NLRP2: variants seen among roughly 807,000 people sequenced by gnomAD.
NLRP2 encodes the protein NLR family pyrin domain containing 2.
NLRP2 carries 107 observed loss-of-function variants against 97.2 expected under a neutral mutation model. That is an observed-to-expected ratio of 1.10 (90% CI 0.94 to 1.29). The LOEUF (loss-of-function observed/expected upper bound fraction) is 1.29, where lower values mean the gene tolerates loss of function less well. Among genes scored for constraint, NLRP2 ranks in the 50% most tolerant of loss-of-function variants. The pLI is 0.00. For synonymous variants in NLRP2, 663 were observed against 551.5 expected (o/e 1.20, Z -2.83); for missense variants, 1,495 against 1,330.3 (o/e 1.12, Z -1.93).
At chr19:54,971,489 T>C (rs1294679725) in intron 2 of NLRP2, among the ~76,000 whole-genome samples, 1 of 151,958 alleles carries the variant, frequency 6.6e-6, no homozygotes, top group Non-Finnish European at 1.5e-5. Flanking sequence ...ACCTGTTGTT[T>C]CCTGACTTTT....
At chr19:54,985,686 A>G (rs572387005) in intron 7 of NLRP2, among the ~76,000 whole-genome samples, 3 of 149,344 alleles carry the variant, frequency 2.0e-5, no homozygotes, top group South Asian at 2.1e-4. Flanking sequence ...TCAAAAAAAA[A>G]AAAAAAAAAA....
rs757103934 is a variant in NLRP2, at chr19:54,982,932, A to T, written c.1234A>T (p.Met412Leu). The T allele has an allele frequency of 1.2e-6, 2 of 1,612,856 alleles. No homozygotes were observed. Among genetic ancestry groups the T allele is most frequent in the Middle Eastern group, 1.9e-4 (1 of 5,250 alleles). ...CGTGTGCACGACTCTGAAGCTGCAGATGGAGAAGGGGGAGGACCCGGTCCC... is the reference window on the plus strand; with the variant it reads ...CGTGTGCACGACTCTGAAGCTGCAGTTGGAGAAGGGGGAGGACCCGGTCCC... Reference protein sequence around the residue: ...WIVCTTLKLQMEKGEDPVPTC... With the variant: ...WIVCTTLKLQLEKGEDPVPTC... The change falls in exon 6 of 13, where the codon ATG becomes TTG. Residue 412 changes from methionine (M) to leucine (L), a missense_variant. Coordinates refer to ENST00000448584, the MANE Select transcript of NLRP2 (RefSeq NM_017852.5).
rs1461765066 is a variant in NLRP2 at position 54,982,714 on chromosome 19, G to C, written c.1016G>C (p.Arg339Thr). ...GCCCTGCTGGTCACCACGCGGCCCAGGGCCCTGAGGGACCTCCGGATCCTG... is the reference window on the plus strand; with the variant it reads ...GCCCTGCTGGTCACCACGCGGCCCACGGCCCTGAGGGACCTCCGGATCCTG... ...KAALLVTTRPRALRDLRILAE... is the reference protein window; with the variant it reads ...KAALLVTTRPTALRDLRILAE... The change falls in exon 6 of 13, where the codon AGG (arginine) becomes ACG (threonine). Residue 339 changes from arginine (R) to threonine (T), a missense_variant. Arg to Thr is a moderately conservative substitution (Grantham distance 71). Coordinates refer to ENST00000448584, the MANE Select transcript of NLRP2 (RefSeq NM_017852.5). 2.5e-6 allele frequency: 4 copies of C among 1,613,938 alleles called. No individual in the cohort carries two copies. The highest frequency in any genetic ancestry group is 2.2e-5 in the South Asian group (2 of 91,088).
At chr19:54,999,651 T>TATC (rs74177894) in intron 12 of NLRP2, among the ~76,000 whole-genome samples, 45,546 of 151,804 alleles carry the variant, frequency 0.3, 7,136 homozygotes, top group Middle Eastern at 0.43. Context: ...TGTTTTTCTC[T>TATC]ATCAGATCAA....
intron 2 of NLRP2, among the ~76,000 whole-genome samples, chr19:54,971,995 A>ATTTTT (rs61335843): frequency 1.3e-4 from 15 of 116,390 alleles, no homozygotes; most frequent in Non-Finnish European, 1.5e-4. Context: ...TGCCTGGCTG[A>ATTTTT]TTTTTTTTTT....
At chr19:54,994,067 T>A in intron 10 of NLRP2, 1 of 657,546 alleles carries the variant, frequency 1.5e-6, no homozygotes, top group Non-Finnish European at 2.7e-6. Flanking sequence ...CGAGGTCCCT[T>A]TTGCTCGCAG....
At chr19:54,976,720 C>T in intron 3 of NLRP2, 2 of 409,602 alleles carry the variant, frequency 4.9e-6, no homozygotes, top group South Asian at 3.6e-5. Flanking sequence ...GTTCCCTCCC[C>T]AGCATCTTTT....
intron 8 of NLRP2, among the ~76,000 whole-genome samples, chr19:54,988,686 A>G (rs2072258190): frequency 6.6e-6 from 1 of 152,080 alleles, no homozygotes; most frequent in African/African-American, 2.4e-5. Context: ...CGCCCAGCTA[A>G]TTCTTGTATT....
At chr19:54,982,033 C>G in intron 5 of NLRP2, 129 bp from the exon 6 acceptor site, 1 of 1,178,330 alleles carries the variant, frequency 8.5e-7, no homozygotes, top group Non-Finnish European at 1.2e-6. Flanking sequence ...CTGCCTCGAC[C>G]TCCCAAAGGG....
intron 11 of NLRP2, among the ~76,000 whole-genome samples, chr19:54,995,601 GAGGT>G (rs1449702280): frequency 6.6e-6 from 1 of 152,078 alleles, no homozygotes; most frequent in East Asian, 2.0e-4. Context: ...AAATAAAAAA[GAGGT>G]AGGAATTAGA....
At chr19:54,981,458 A>G (rs757848689) in intron 4 of NLRP2, among the ~76,000 whole-genome samples, 159 bp from the exon 5 acceptor site, 1 of 151,620 alleles carries the variant, frequency 6.6e-6, no homozygotes, top group Non-Finnish European at 1.5e-5. Context: ...ATGAGCCACC[A>G]CACCTGGCCG....
At chr19:54,986,703 A>G (rs1404709694) in intron 8 of NLRP2, among the ~76,000 whole-genome samples, 2 of 151,990 alleles carry the variant, frequency 1.3e-5, no homozygotes, top group Admixed American at 6.6e-5. Context: ...GGCACCCGCC[A>G]CCACGCCCGG....
rs767642490 is a variant in NLRP2, at chr19:54,983,236, T to C, written c.1538T>C (p.Leu513Pro). 6.2e-7 allele frequency: 1 copy of C among 1,613,906 alleles called. No homozygotes were observed. Among genetic ancestry groups the C allele is most frequent in the African/African-American group, 1.3e-5 (1 of 74,998 alleles). ...AGCTTCCAGCAGTTTCTCACTGCCC[T>C]GTTCTACACCCTGGAGAAGGAGGAG... ...HLSFQQFLTA[L>P]FYTLEKEEEE... The change falls in exon 6 of 13, where the codon CTG (leucine) becomes CCG (proline). Residue 513 changes from leucine (L) to proline (P), a missense_variant. Physicochemically the swap from Leu to Pro is moderately conservative, Grantham distance 98. Coordinates refer to ENST00000448584, the MANE Select transcript of NLRP2 (RefSeq NM_017852.5).
chr19:55,001,022 T>A lies in NLRP2; in HGVS notation c.*124T>A. On this transcript the variant is annotated 3_prime_UTR_variant, in exon 13 of 13. Transcript: ENST00000448584. ...ATAATGAGTTCATTGCTGGGCTAGATGTTTTAGCCATGATTCTGCCTCTGT... is the reference window on the plus strand; with the variant it reads ...ATAATGAGTTCATTGCTGGGCTAGAAGTTTTAGCCATGATTCTGCCTCTGT... The A allele has an allele frequency of 4.8e-6, 4 of 839,098 alleles. No homozygotes were observed. The highest frequency in any genetic ancestry group is 6.0e-6 in the Non-Finnish European group (3 of 503,518). The allele number at this position is 839,098 out of a possible 1,614,324, so 52.0% of individuals were successfully genotyped here. A position where few individuals can be genotyped will look rare whatever the true frequency, so the allele number is the denominator to read the frequency against.
chr19:54,998,824 T>C (rs2073009885), intron 12 of NLRP2, among the ~76,000 whole-genome samples: 1 of 149,686 alleles, frequency 6.7e-6, no homozygotes, highest in Non-Finnish European at 1.5e-5. Flanking sequence ...GATTAGGGAG[T>C]GGTGATGACT....
chr19:54,984,568 C>A lies in NLRP2; in HGVS notation c.2031-479C>A, dbSNP rs575534184. Among the ~76,000 whole-genome samples the A allele has an allele frequency of 2.8e-5, 4 of 141,094 alleles. No individual in the cohort carries two copies. In the East Asian group the frequency reaches 6.3e-4, roughly 22 times the overall value. The allele number at this position is 141,094 out of a possible 152,430, so 92.6% of individuals were successfully genotyped here. A position where few individuals can be genotyped will look rare whatever the true frequency, so the allele number is the denominator to read the frequency against. On this transcript the variant is annotated intron_variant, in intron 6 of 12. Transcript: ENST00000448584. Reference sequence around the variant, plus strand: ...CTCGATCTCGGCTCACTGCAACCTCCGCCCCACCAGGTTCAATGATTCTCC... The same window carrying A: ...CTCGATCTCGGCTCACTGCAACCTCAGCCCCACCAGGTTCAATGATTCTCC...
rs1491551086 is a variant in NLRP2 at position 54,984,330 on chromosome 19, T to TGTG, written c.2030+602_2030+603insGTG. Among the ~76,000 whole-genome samples, 55 of 13,670 alleles carry TGTG rather than the reference T, an allele frequency of 4.0e-3. 2 individuals are homozygous for TGTG. The highest frequency in any genetic ancestry group is 8.7e-3 in the African/African-American group (13 of 1,488). 9.0% of individuals were successfully genotyped at this position (13,670 alleles called of 152,430 possible). A position where few individuals can be genotyped will look rare whatever the true frequency, so the allele number is the denominator to read the frequency against. On this transcript the variant is annotated intron_variant, in intron 6 of 12. Coordinates refer to ENST00000448584, the MANE Select transcript of NLRP2 (RefSeq NM_017852.5). Reference sequence around the variant, plus strand: ...ACTTAAGTGGGGGTTTTTTTTTGTGTTTTTTTTTTTTTTTTTTTTTTTGGA... The same window carrying TGTG: ...ACTTAAGTGGGGGTTTTTTTTTGTGTGTGTTTTTTTTTTTTTTTTTTTTTTGGA...
chr19:54,994,345 T>G lies in NLRP2; in HGVS notation c.2785T>G (p.Cys929Gly), dbSNP rs756877389. The change falls in exon 11 of 13, where the codon TGT becomes GGT. Residue 929 changes from cysteine (C) to glycine (G), a missense_variant. Transcript: ENST00000448584. ...TCTCCAAGAAAAATCAAGCCTGTTG[T>G]GTTTGGATCTGGGGCTGAATCACAT... is the stretch of plus-strand genomic sequence containing the variant. ...KLLQEKSSLL[C>G]LDLGLNHIGV... is the part of the protein sequence containing the mutation. The G allele has an allele frequency of 9.9e-6, 16 of 1,614,008 alleles. No homozygotes were observed. Among genetic ancestry groups the G allele is most frequent in the Non-Finnish European group, 1.4e-5 (16 of 1,180,034 alleles).
At chr19:54,983,925 C>A (rs11672240) in intron 6 of NLRP2, among the ~76,000 whole-genome samples, 197 bp downstream of exon 6, 32,987 of 151,868 alleles carry the variant, frequency 0.22, 3,925 homozygotes, top group Non-Finnish European at 0.27. Flanking sequence ...ATCTTGGCTC[C>A]CTGCAACCTC....
Sources: gnomAD v4.1 joint callset for allele counts (sites outside exome capture counted in the v4.1 genomes callset) on GRCh38, gnomAD v4.1.1 for gene constraint, MANE v1.5 for transcripts, NCBI Gene and HGNC (gene_info 2026-07-23, HGNC 2026-07-21) for gene names.